CACNA2D3: variants seen among roughly 807,000 people sequenced by gnomAD.
The protein encoded by CACNA2D3 is voltage-dependent calcium channel subunit alpha-2/delta-3.
In CACNA2D3, 60 loss-of-function variants were observed where a neutral mutation model predicts 160.6. That is an observed-to-expected ratio of 0.37 (90% CI 0.30 to 0.46). The LOEUF is 0.46. Ranked by LOEUF, CACNA2D3 falls within the 20% of genes least tolerant of loss-of-function variation. CACNA2D3 has a pLI of 1.00. For synonymous variants in CACNA2D3, 558 were observed against 492.9 expected (o/e 1.13, Z -1.75); for missense variants, 1,205 against 1,365.0 (o/e 0.88, Z 1.85).
chr3:54,857,565 C>T (rs937846316), intron 17 of CACNA2D3, among the ~76,000 whole-genome samples: 30 of 152,198 alleles, frequency 2.0e-4, no homozygotes, highest in Admixed American at 8.5e-4. Flanking sequence ...GTAGTGGTAA[C>T]ATGCCTGCAC....
At chr3:54,993,948 G>C (rs1559457880) in intron 31 of CACNA2D3, among the ~76,000 whole-genome samples, 1 of 144,356 alleles carries the variant, frequency 6.9e-6, no homozygotes, top group Non-Finnish European at 1.5e-5. Flanking sequence ...GTTTTGCGTG[G>C]TTTTTGTTGT....
At chr3:54,850,452 T>G (rs1699033584) in intron 17 of CACNA2D3, among the ~76,000 whole-genome samples, 1 of 152,244 alleles carries the variant, frequency 6.6e-6, no homozygotes, top group East Asian at 1.9e-4. Flanking sequence ...AGCTACAGAC[T>G]AGATTTTGTT....
chr3:54,598,910 C>G (rs552822273), intron 9 of CACNA2D3, among the ~76,000 whole-genome samples: 4 of 152,120 alleles, frequency 2.6e-5, no homozygotes, highest in Non-Finnish European at 4.4e-5. Context: ...AGCAAAACAC[C>G]GTTTGTGATG....
chr3:54,865,613 G>A (rs1575518649), intron 17 of CACNA2D3, among the ~76,000 whole-genome samples: 1 of 152,200 alleles, frequency 6.6e-6, no homozygotes, highest in African/African-American at 2.4e-5. Context: ...TGAGACAAAT[G>A]AGCACCAAGT....
chr3:54,404,023 G>A (rs560706506), intron 4 of CACNA2D3, among the ~76,000 whole-genome samples: 25 of 152,212 alleles, frequency 1.6e-4, no homozygotes, highest in African/African-American at 6.0e-4. Context: ...AAAAGCCCAG[G>A]ACCAGATGGC....
intron 27 of CACNA2D3, among the ~76,000 whole-genome samples, 157 bp from the exon 28 acceptor site, chr3:54,968,293 C>T (rs1473450289): frequency 6.6e-6 from 1 of 152,066 alleles, no homozygotes; most frequent in African/African-American, 2.4e-5. Context: ...GAATTCTTTA[C>T]CTGAAAGATA....
chr3:54,752,553 G>T, intron 11 of CACNA2D3, 46 bp from the exon 12 acceptor site: 1 of 1,376,160 alleles, frequency 7.3e-7, no homozygotes, highest in East Asian at 2.3e-5. Flanking sequence ...TGTGCAGGAT[G>T]GCGAAAAGTG....
chr3:54,130,632 G>A (rs1699687899), intron 2 of CACNA2D3, among the ~76,000 whole-genome samples: 1 of 152,228 alleles, frequency 6.6e-6, no homozygotes, highest in South Asian at 2.1e-4. Context: ...GCTGAGGCTG[G>A]CAGAACTGAA....
chr3:54,611,325 G>T (rs1050975806), intron 9 of CACNA2D3, among the ~76,000 whole-genome samples: 1 of 152,120 alleles, frequency 6.6e-6, no homozygotes, highest in Admixed American at 6.5e-5. Context: ...TCTGCTTCAG[G>T]AGGTTATTTG....
rs142205691 is a variant in CACNA2D3, at chr3:54,599,616, A to G, written c.963+17739A>G. On this transcript the variant is annotated intron_variant, in intron 9 of 37. Coordinates refer to ENST00000474759, the MANE Select transcript of CACNA2D3 (RefSeq NM_018398.3). ...ATAACTAATTAATAAGGTGGGGGGG[A>G]GGAAAAAACCTCTGGTAGGCAAAAC... is the stretch of plus-strand genomic sequence containing the variant. Among the ~76,000 whole-genome samples the G allele has an allele frequency of 7.3e-3, 1,104 of 151,772 alleles. 88 individuals carry two copies. The South Asian group carries it at 0.18, about 25-fold the overall frequency.
chr3:54,154,267 G>A (rs1482239992), intron 2 of CACNA2D3, among the ~76,000 whole-genome samples: 2 of 152,096 alleles, frequency 1.3e-5, no homozygotes, highest in Non-Finnish European at 2.9e-5. Context: ...TATTTGTTAT[G>A]TTCAAGGTAC....
chr3:54,325,746 TAA>T (rs1704109360), intron 3 of CACNA2D3, among the ~76,000 whole-genome samples: 1 of 152,226 alleles, frequency 6.6e-6, no homozygotes, highest in Non-Finnish European at 1.5e-5. Flanking sequence ...TGAAGAGATA[TAA>T]AACACAAGTT....
At chr3:54,652,809 G>A (rs1364194421) in intron 11 of CACNA2D3, among the ~76,000 whole-genome samples, 1 of 138,172 alleles carries the variant, frequency 7.2e-6, no homozygotes, top group Non-Finnish European at 1.6e-5. Context: ...TTGAGACCGA[G>A]TTTCGCTGTG....
intron 4 of CACNA2D3, among the ~76,000 whole-genome samples, chr3:54,471,861 A>T (rs1247412933): frequency 6.6e-6 from 1 of 152,218 alleles, no homozygotes; most frequent in African/African-American, 2.4e-5. Flanking sequence ...GAAGAAGTCG[A>T]ATCCCTAAAC....
intron 11 of CACNA2D3, among the ~76,000 whole-genome samples, chr3:54,735,591 T>C (rs557821627): frequency 6.6e-6 from 1 of 152,148 alleles, no homozygotes; most frequent in Non-Finnish European, 1.5e-5. Flanking sequence ...GTAGAACATC[T>C]TTATGCCCAT....
chr3:54,740,590 A>G (rs1701630344), intron 11 of CACNA2D3, among the ~76,000 whole-genome samples: 1 of 152,188 alleles, frequency 6.6e-6, no homozygotes, highest in Non-Finnish European at 1.5e-5. Flanking sequence ...CCCCTTCCAC[A>G]AAGAGCTATG....
chr3:54,138,011 C>T lies in CACNA2D3; in HGVS notation c.204+14417C>T, dbSNP rs143190354. On this transcript the variant is annotated intron_variant, in intron 2 of 37. Coordinates refer to ENST00000474759, the MANE Select transcript of CACNA2D3 (RefSeq NM_018398.3). ...TGATAGCTAATGCTTATGAGCCAGT[C>T]ACAGTGCTGTGCTGTCTGTATAAAT... is the stretch of plus-strand genomic sequence containing the variant. Among the ~76,000 whole-genome samples the T allele has an allele frequency of 1.6e-3, 245 of 152,318 alleles. 1 individual carries two copies. Among genetic ancestry groups the T allele is most frequent in the Admixed American group, 4.1e-3 (62 of 15,308 alleles).
At chr3:54,985,570 T>C (rs1171217109) in intron 30 of CACNA2D3, among the ~76,000 whole-genome samples, 2 of 152,254 alleles carry the variant, frequency 1.3e-5, no homozygotes, top group Non-Finnish European at 2.9e-5. Context: ...GACCTCTAGA[T>C]AGGCTCTGTG....
intron 4 of CACNA2D3, among the ~76,000 whole-genome samples, chr3:54,393,592 C>G (rs1699319909): frequency 6.6e-6 from 1 of 152,228 alleles, no homozygotes; most frequent in Non-Finnish European, 1.5e-5. Context: ...TGCTTCGCCC[C>G]TCAGAGCTTA....
Sources: allele counts gnomAD v4.1 joint callset (sites outside exome capture counted in the v4.1 genomes callset), GRCh38; gene constraint gnomAD v4.1.1; transcripts MANE v1.5; gene names NCBI Gene and HGNC (gene_info 2026-07-23, HGNC 2026-07-21).